Variants in CACNA1B observed in about 807,000 individuals in gnomAD.
CACNA1B encodes the protein calcium voltage-gated channel subunit alpha1 B, also known as voltage-dependent N-type calcium channel subunit alpha-1B.
In CACNA1B, 70 loss-of-function variants were observed where a neutral mutation model predicts 247.2. That is an observed-to-expected ratio of 0.28 (90% CI 0.23 to 0.35). CACNA1B has a LOEUF of 0.35. Ranked by LOEUF, CACNA1B falls within the 10% of genes least tolerant of loss-of-function variation. CACNA1B has a pLI of 1.00. For synonymous variants in CACNA1B, 1,231 were observed against 1,294.4 expected, an observed-to-expected ratio of 0.95 and a Z score of 1.05; for missense variants, 2,367 against 3,197.4, an observed-to-expected ratio of 0.74 and a Z score of 6.26.
intron 10 of CACNA1B, among the ~76,000 whole-genome samples, chr9:137,960,146 G>A (rs961203457): frequency 2.1e-5 from 3 of 141,638 alleles, no homozygotes; most frequent in African/African-American, 8.0e-5. Context: ...AGAGAGAGGG[G>A]AGCTTGGCCT....
Position 137,917,945 on chromosome 9 carries a change from C to G in CACNA1B, c.966+514C>G, listed in dbSNP as rs1204466478. On this transcript the variant is annotated intron_variant, in intron 6 of 46. Transcript: ENST00000371372. This position sits in a 1 kb window ranked among gnomAD's most constrained non-coding sequence, Gnocchi z 5.5. ...TAGGGTCTCTGTTGGAGTTGAGGGA[C>G]AGTAGGGCTGCTGGGCCTCCCGTCC... is the stretch of plus-strand genomic sequence containing the variant. Among the ~76,000 whole-genome samples the G allele has an allele frequency of 1.3e-5, 2 of 152,194 alleles. No homozygotes were observed. Among genetic ancestry groups the G allele is most frequent in the African/African-American group, 4.8e-5 (2 of 41,456 alleles).
At chr9:138,044,636 G>A (rs1158570638) in intron 21 of CACNA1B, among the ~76,000 whole-genome samples, 1 of 152,230 alleles carries the variant, frequency 6.6e-6, no homozygotes, top group Non-Finnish European at 1.5e-5. Flanking sequence ...AGGAGGCAGA[G>A]GGAGAGGCAG....
Position 137,987,091 on chromosome 9 carries a change from G to A in CACNA1B, c.1974+237G>A, listed in dbSNP as rs530808826. On this transcript the variant is annotated intron_variant, in intron 15 of 46. Coordinates refer to ENST00000371372, the MANE Select transcript of CACNA1B (RefSeq NM_000718.4). Reference sequence around the variant, plus strand: ...GGAAGCTGGATTCTGTGGCAGCACTGTAGGGAGCAAGTGTAGTTCCCGGGG... The same window carrying A: ...GGAAGCTGGATTCTGTGGCAGCACTATAGGGAGCAAGTGTAGTTCCCGGGG... Among the ~76,000 whole-genome samples, 3 of 152,358 alleles carry A rather than the reference G, an allele frequency of 2.0e-5. No homozygotes were observed. In the South Asian group the frequency reaches 6.2e-4, roughly 32 times the overall value.
Position 138,105,727 on chromosome 9 carries a change from C to G in CACNA1B, c.5348C>G (p.Ser1783Cys). The change falls in exon 39 of 47, where the codon TCC becomes TGC. Residue 1783 changes from serine (S) to cysteine (C), a missense_variant. Coordinates refer to ENST00000371372, the MANE Select transcript of CACNA1B (RefSeq NM_000718.4). ...KRLVRMNMPI[S>C]NEDMTVHFTS... Reference sequence around the variant, plus strand: ...CTGGTTCGCATGAACATGCCCATCTCCAACGAGGACATGACTGTTCACTTC... The same window carrying G: ...CTGGTTCGCATGAACATGCCCATCTGCAACGAGGACATGACTGTTCACTTC... The G allele has an allele frequency of 6.4e-7, 1 of 1,563,566 alleles. No individual in the cohort carries two copies. Among genetic ancestry groups the G allele is most frequent in the Non-Finnish European group, 8.7e-7 (1 of 1,154,806 alleles).
intron 18 of CACNA1B, among the ~76,000 whole-genome samples, chr9:138,016,420 G>C (rs1460389069): frequency 6.6e-6 from 1 of 152,254 alleles, no homozygotes; most frequent in Non-Finnish European, 1.5e-5. Context: ...GAAATGGCTG[G>C]AGCTGCATCC....
rs79572230 is a variant in CACNA1B at position 138,038,312 on chromosome 9, A to G, written c.3287-5462A>G. Among the ~76,000 whole-genome samples the G allele has an allele frequency of 6.3e-4, 96 of 152,300 alleles. 1 individual carries two copies. Among genetic ancestry groups the G allele is most frequent in the African/African-American group, 2.3e-3 (94 of 41,572 alleles). Reference sequence around the variant, plus strand: ...TTTGACAGTTATCTGGTTTTCGTCTATGACAGCATGTTCCAGGATCGTTGT... The same window carrying G: ...TTTGACAGTTATCTGGTTTTCGTCTGTGACAGCATGTTCCAGGATCGTTGT... On this transcript the variant is annotated intron_variant, in intron 20 of 46. Coordinates refer to ENST00000371372, the MANE Select transcript of CACNA1B (RefSeq NM_000718.4).
intron 35 of CACNA1B, among the ~76,000 whole-genome samples, chr9:138,077,183 T>TGTCATCAGTGAGGA (rs1960354783): frequency 6.6e-6 from 1 of 152,176 alleles, no homozygotes; most frequent in South Asian, 2.1e-4. Flanking sequence ...TGCCTCCGGC[T>TGTCATCAGTGAGGA]GTCATCAGTG....
intron 12 of CACNA1B, among the ~76,000 whole-genome samples, chr9:137,982,732 G>T (rs1405500121): frequency 1.3e-5 from 2 of 152,232 alleles, no homozygotes; most frequent in East Asian, 3.8e-4. Flanking sequence ...GCAGAGAAAA[G>T]TTGGTGGTGA....
chr9:137,931,987 C>A (rs753377378), intron 6 of CACNA1B, among the ~76,000 whole-genome samples: 1 of 152,104 alleles, frequency 6.6e-6, no homozygotes. Flanking sequence ...AATTTCCAGG[C>A]GGCATCCCTT....
chr9:137,994,357 C>T (rs1958471251), intron 15 of CACNA1B, among the ~76,000 whole-genome samples: 1 of 152,132 alleles, frequency 6.6e-6, no homozygotes, highest in Non-Finnish European at 1.5e-5. Flanking sequence ...AGCAATCAGA[C>T]AAGAGAAAGA....
intron 10 of CACNA1B, among the ~76,000 whole-genome samples, chr9:137,961,714 A>G (rs1958023026): frequency 6.6e-6 from 1 of 152,210 alleles, no homozygotes; most frequent in Non-Finnish European, 1.5e-5. Flanking sequence ...CCAGGGATGA[A>G]GCCTACTTGA....
In CACNA1B at chr9:137,971,708, C is replaced by T. The variant is rs1166289404; in HGVS notation, c.1543+116C>T. On this transcript the variant is annotated intron_variant, in intron 11 of 46. Transcript: ENST00000371372. This position sits in a 1 kb window ranked among gnomAD's most constrained non-coding sequence, Gnocchi z 4.4. ...TGGGACGGGACCCACCCCCATGTTG[C>T]TCAAAGTATCCCACAGCCCTAGTCA... 1 of 825,664 alleles carries T rather than the reference C, an allele frequency of 1.2e-6. No individual in the cohort carries two copies. The highest frequency in any genetic ancestry group is 1.9e-6 in the Non-Finnish European group (1 of 517,542). The allele number at this position is 825,664 out of a possible 1,614,324, so 51.1% of individuals were successfully genotyped here. A position where few individuals can be genotyped will look rare whatever the true frequency, so the allele number is the denominator to read the frequency against.
intron 6 of CACNA1B, among the ~76,000 whole-genome samples, chr9:137,940,763 TACTC>T (rs1373893003): frequency 2.0e-5 from 3 of 152,166 alleles, no homozygotes; most frequent in African/African-American, 7.2e-5. Flanking sequence ...TGGTTTAACA[TACTC>T]AAGTCAATAA....
At position 137,952,465 on chromosome 9, in the gene CACNA1B, GGCCTGGCCCATGGGT is replaced by G. The variant is rs1462245890; in HGVS notation, c.1070+92_1070+106del. 1 of 1,133,822 alleles carries G rather than the reference GGCCTGGCCCATGGGT, an allele frequency of 8.8e-7. No homozygotes were observed. Among genetic ancestry groups the G allele is most frequent in the African/African-American group, 1.5e-5 (1 of 65,394 alleles). The allele number at this position is 1,133,822 out of a possible 1,614,324, so 70.2% of individuals were successfully genotyped here. A position where few individuals can be genotyped will look rare whatever the true frequency, so the allele number is the denominator to read the frequency against. ...GGGCACGTGTGACACTTGGGGTGGG[GGCCTGGCCCATGGGT>G]GCCCTCTGTGGTGGTTGCCCCTGGT... On this transcript the variant is annotated intron_variant, in intron 7 of 46. Coordinates refer to ENST00000371372, the MANE Select transcript of CACNA1B (RefSeq NM_000718.4). This position sits in a 1 kb window ranked among gnomAD's most constrained non-coding sequence, Gnocchi z 4.8.
At chr9:137,883,378 CTG>C (rs1213676404) in intron 3 of CACNA1B, among the ~76,000 whole-genome samples, 2 of 152,186 alleles carry the variant, frequency 1.3e-5, no homozygotes, top group Non-Finnish European at 2.9e-5. Flanking sequence ...TGGGATGAGG[CTG>C]TGTGTGTCGA....
At position 138,020,726 on chromosome 9, in the gene CACNA1B, A is replaced by G. The variant is rs1958834829; in HGVS notation, c.2268-2285A>G. Reference sequence around the variant, plus strand: ...AGCATGTTGCTCTGCCTGGGTGGTCACGGGGGAGCCTGCCAGCCTGACAGC... The same window carrying G: ...AGCATGTTGCTCTGCCTGGGTGGTCGCGGGGGAGCCTGCCAGCCTGACAGC... On this transcript the variant is annotated intron_variant, in intron 18 of 46. Coordinates refer to ENST00000371372, the MANE Select transcript of CACNA1B (RefSeq NM_000718.4). This position sits in a 1 kb window ranked among gnomAD's most constrained non-coding sequence, Gnocchi z 4.1. 6.6e-6 allele frequency among the ~76,000 whole-genome samples: 1 copy of G among 152,178 alleles called. No homozygotes were observed. The highest frequency in any genetic ancestry group is 1.5e-5 in the Non-Finnish European group (1 of 68,012).
At chr9:138,096,708 C>G (rs911316343) in intron 37 of CACNA1B, 97 bp downstream of exon 37, 41 of 1,280,722 alleles carry the variant, frequency 3.2e-5, no homozygotes, top group Non-Finnish European at 4.2e-5. Context: ...CAAGTGAGCA[C>G]CCCCTCAGGT....
chr9:138,091,658 G>A (rs1031850771), intron 36 of CACNA1B, among the ~76,000 whole-genome samples: 1 of 151,786 alleles, frequency 6.6e-6, no homozygotes, highest in Non-Finnish European at 1.5e-5. Context: ...ATATTATACT[G>A]TACCCCATAA....
intron 18 of CACNA1B, among the ~76,000 whole-genome samples, chr9:138,021,646 T>C (rs149454567): frequency 1.1e-3 from 175 of 152,360 alleles, no homozygotes; most frequent in African/African-American, 4.2e-3. Flanking sequence ...TTAGAAATGT[T>C]TTTCCTTTTT....
Sources: gnomAD v4.1 joint callset for allele counts (sites outside exome capture counted in the v4.1 genomes callset) on GRCh38, gnomAD v4.1.1 for gene constraint, Gnocchi (gnomAD v3.1) non-coding constraint, MANE v1.5 for transcripts, NCBI Gene and HGNC (gene_info 2026-07-23, HGNC 2026-07-21) for gene names.